DPP10: variants seen among roughly 807,000 people sequenced by gnomAD.
DPP10 encodes the protein inactive dipeptidyl peptidase 10.
In DPP10, 33 loss-of-function variants were observed where a neutral mutation model predicts 120.9. That is an observed-to-expected ratio of 0.27 (90% CI 0.21 to 0.37). DPP10 has a LOEUF of 0.37. Ranked by LOEUF, DPP10 falls within the 10% of genes least tolerant of loss-of-function variation. The probability of loss-of-function intolerance (pLI) is 1.00; values close to 1 mark genes in which losing one functional copy is unlikely to be tolerated. For missense variants in DPP10, 816 were observed against 942.8 expected (o/e 0.87, Z 1.76); for synonymous variants, 337 against 326.1 (o/e 1.03, Z -0.36).
chr2:115,490,115 C>T (rs957581138), intron 3 of DPP10, among the ~76,000 whole-genome samples: 2 of 152,112 alleles, frequency 1.3e-5, no homozygotes, highest in African/African-American at 4.8e-5. Context: ...GGTACACCTT[C>T]CTTGTATTTA....
At chr2:115,524,485 A>G (rs961517336) in intron 4 of DPP10, among the ~76,000 whole-genome samples, 2 of 152,066 alleles carry the variant, frequency 1.3e-5, no homozygotes, top group Non-Finnish European at 1.5e-5. Context: ...CACCCTCCCA[A>G]TGCATCCATA....
intron 5 of DPP10, among the ~76,000 whole-genome samples, chr2:115,565,164 T>C (rs2080922419): frequency 6.6e-6 from 1 of 152,196 alleles, no homozygotes. Flanking sequence ...TGTATGTAGG[T>C]GTCCCTGAAG....
At chr2:114,478,927 G>A (rs973316794) in intron 1 of DPP10, among the ~76,000 whole-genome samples, 1 of 146,522 alleles carries the variant, frequency 6.8e-6, no homozygotes, top group African/African-American at 2.5e-5. Context: ...CAAATAAAAT[G>A]TAAATGATAG....
chr2:115,707,121 A>C (rs1197018276), intron 7 of DPP10, among the ~76,000 whole-genome samples: 1 of 152,008 alleles, frequency 6.6e-6, no homozygotes, highest in Non-Finnish European at 1.5e-5. Flanking sequence ...GATTTTGAGA[A>C]ACACAAAGAA....
intron 1 of DPP10, among the ~76,000 whole-genome samples, chr2:115,076,970 G>A (rs1432213556): frequency 6.6e-6 from 1 of 152,194 alleles, no homozygotes; most frequent in African/African-American, 2.4e-5. Flanking sequence ...AGCAGTGTAT[G>A]AGAGTCTTAT....
chr2:114,556,978 T>C (rs1458219573), intron 1 of DPP10, among the ~76,000 whole-genome samples: 1 of 144,314 alleles, frequency 6.9e-6, no homozygotes, highest in Non-Finnish European at 1.5e-5. Context: ...AATTAGGGAG[T>C]GTCAACAGAT....
At chr2:115,197,637 T>C (rs2055379640) in intron 1 of DPP10, among the ~76,000 whole-genome samples, 1 of 152,178 alleles carries the variant, frequency 6.6e-6, no homozygotes, top group Non-Finnish European at 1.5e-5. Flanking sequence ...CATCAGATTT[T>C]CTGTAACGCC....
At chr2:114,735,990 A>G (rs1270957844) in intron 1 of DPP10, among the ~76,000 whole-genome samples, 1 of 152,052 alleles carries the variant, frequency 6.6e-6, no homozygotes, top group Non-Finnish European at 1.5e-5. Flanking sequence ...ACTAAGCTAC[A>G]CTTAGCTTCT....
chr2:115,844,605 T>G lies in DPP10; in HGVS notation c.*2260T>G, dbSNP rs1012809879. ...CTCACCAACACATAGTCACCAACTA[T>G]TAAAGGAATCATGTGATTGGATTTT... On this transcript the variant is annotated 3_prime_UTR_variant, in exon 26 of 26. Transcript: ENST00000410059. 6.6e-6 allele frequency: 1 copy of G among 152,162 alleles called. No homozygotes were observed. Among genetic ancestry groups the G allele is most frequent in the Non-Finnish European group, 1.5e-5 (1 of 68,018 alleles). 9.4% of individuals were successfully genotyped at this position (152,162 alleles called of 1,614,324 possible).
chr2:115,090,136 ATGTTT>A (rs1445043034), intron 1 of DPP10, among the ~76,000 whole-genome samples: 1 of 149,372 alleles, frequency 6.7e-6, no homozygotes, highest in East Asian at 2.0e-4. Flanking sequence ...CATTTGTGTT[ATGTTT>A]TATTTGCTTA....
intron 5 of DPP10, among the ~76,000 whole-genome samples, chr2:115,540,105 G>A (rs190875353): frequency 6.0e-4 from 91 of 152,018 alleles, no homozygotes; most frequent in African/African-American, 2.0e-3. Flanking sequence ...AATTAGCCAT[G>A]AGGTCAACAC....
At chr2:114,600,821 T>G (rs1331838284) in intron 1 of DPP10, among the ~76,000 whole-genome samples, 2 of 151,936 alleles carry the variant, frequency 1.3e-5, no homozygotes, top group African/African-American at 4.8e-5. Context: ...TGAACTGTTT[T>G]ATCTCACTTA....
In DPP10 at chr2:114,887,005, T is replaced by C. The variant is rs527970436; in HGVS notation, c.61-422234T>C. Among the ~76,000 whole-genome samples, 13 of 152,352 alleles carry C rather than the reference T, an allele frequency of 8.5e-5. No individual in the cohort carries two copies. In the East Asian group the frequency reaches 1.9e-3, roughly 23 times the overall value. On this transcript the variant is annotated intron_variant, in intron 1 of 25. Transcript: ENST00000410059. ...GTGTGAATTATTTGTTATATTTTGC[T>C]TTAATTGCCATCCACTGTAGTCTTT...
intron 1 of DPP10, among the ~76,000 whole-genome samples, chr2:114,654,822 T>C (rs1247317161): frequency 6.6e-6 from 1 of 152,136 alleles, no homozygotes; most frequent in Non-Finnish European, 1.5e-5. Context: ...AAGGCACAAC[T>C]GGACTAGGGG....
At chr2:114,763,130 G>A (rs1229603483) in intron 1 of DPP10, among the ~76,000 whole-genome samples, 1 of 152,138 alleles carries the variant, frequency 6.6e-6, no homozygotes, top group African/African-American at 2.4e-5. Context: ...GTGTGTTCAA[G>A]GGCATCAAGC....
intron 4 of DPP10, among the ~76,000 whole-genome samples, chr2:115,507,622 G>GAATGGTAC (rs1203171912): frequency 1.3e-5 from 2 of 152,142 alleles, no homozygotes; most frequent in Non-Finnish European, 2.9e-5. Flanking sequence ...CATGGGTAGA[G>GAATGGTAC]AATGGTACAA....
At chr2:114,677,504 G>A (rs1490138769) in intron 1 of DPP10, among the ~76,000 whole-genome samples, 2 of 152,052 alleles carry the variant, frequency 1.3e-5, no homozygotes, top group South Asian at 2.1e-4. Context: ...TTTCTATGCT[G>A]AGTGTTGTGC....
intron 3 of DPP10, among the ~76,000 whole-genome samples, chr2:115,497,861 G>T (rs1247739498): frequency 2.6e-5 from 4 of 151,644 alleles, no homozygotes; most frequent in Non-Finnish European, 4.4e-5. Flanking sequence ...GAGAGGAAAA[G>T]AATATAAATC....
At chr2:115,274,859 G>A (rs1033881915) in intron 1 of DPP10, among the ~76,000 whole-genome samples, 13 of 152,138 alleles carry the variant, frequency 8.5e-5, no homozygotes, top group Admixed American at 2.0e-4. Flanking sequence ...CTCTCGTTAA[G>A]CGTAATATTA....
Sources: allele counts gnomAD v4.1 joint callset (sites outside exome capture counted in the v4.1 genomes callset), GRCh38; gene constraint gnomAD v4.1.1; transcripts MANE v1.5; gene names NCBI Gene and HGNC (gene_info 2026-07-23, HGNC 2026-07-21).